TMEM267: variants seen among roughly 807,000 people sequenced by gnomAD.
TMEM267 encodes transmembrane protein 267, also known as transmembrane protein C5orf28.
TMEM267 carries 20 observed loss-of-function variants against 19.3 expected under a neutral mutation model. The ratio of observed to expected loss-of-function variants is 1.04; its 90% confidence interval spans 0.73 to 1.51. The LOEUF (loss-of-function observed/expected upper bound fraction) is 1.51, where lower values mean the gene tolerates loss of function less well. Ranked by LOEUF, TMEM267 falls within the 40% of genes most tolerant of loss-of-function variation. The probability of loss-of-function intolerance (pLI) is 0.00; values close to 1 mark genes in which losing one functional copy is unlikely to be tolerated. For missense variants in TMEM267, 242 were observed against 261.9 expected (o/e 0.92, Z 0.52); for synonymous variants, 88 against 90.3 (o/e 0.97, Z 0.15).
intron 2 of TMEM267, among the ~76,000 whole-genome samples, chr5:43,447,484 G>C (rs1005982201): frequency 1.3e-5 from 2 of 152,078 alleles, no homozygotes; most frequent in African/African-American, 4.8e-5. Flanking sequence ...TTCATGAGTA[G>C]GGTTTTGTTC....
intron 1 of TMEM267, among the ~76,000 whole-genome samples, chr5:43,465,028 A>C (rs1303364140): frequency 3.3e-5 from 5 of 152,222 alleles, no homozygotes; most frequent in South Asian, 2.1e-4. Context: ...CAACCTACAA[A>C]ATGGGAGAAA....
At chr5:43,470,171 C>T (rs776881610) in intron 1 of TMEM267, among the ~76,000 whole-genome samples, 6 of 152,136 alleles carry the variant, frequency 3.9e-5, no homozygotes, top group Admixed American at 2.6e-4. Flanking sequence ...GATGGAGTCT[C>T]GCTCTGCCAC....
chr5:43,456,472 T>A (rs187140674), intron 1 of TMEM267, among the ~76,000 whole-genome samples: 2 of 152,240 alleles, frequency 1.3e-5, no homozygotes, highest in African/African-American at 4.8e-5. Context: ...TGAAAGACAA[T>A]GTTAAGAGAA....
chr5:43,476,827 C>T (rs1044654969), intron 1 of TMEM267, among the ~76,000 whole-genome samples: 1 of 151,058 alleles, frequency 6.6e-6, no homozygotes, highest in African/African-American at 2.4e-5. Context: ...ACCCAGATCT[C>T]GTTATCAGCT....
intron 1 of TMEM267, among the ~76,000 whole-genome samples, chr5:43,455,292 G>A (rs1429718422): frequency 6.6e-6 from 1 of 151,828 alleles, no homozygotes; most frequent in South Asian, 2.1e-4. Flanking sequence ...GCGTGGTGGT[G>A]CATGCCTGTA....
At chr5:43,477,278 G>A (rs1021745688) in intron 1 of TMEM267, among the ~76,000 whole-genome samples, 3 of 151,786 alleles carry the variant, frequency 2.0e-5, no homozygotes, top group Admixed American at 2.0e-4. Flanking sequence ...TATCCCTCAA[G>A]AACTTCAGTT....
At chr5:43,447,877 G>A (rs531656052) in intron 2 of TMEM267, among the ~76,000 whole-genome samples, 2 of 152,264 alleles carry the variant, frequency 1.3e-5, no homozygotes, top group African/African-American at 2.4e-5. Flanking sequence ...AGCACTAACT[G>A]CAGGGAAAGG....
At chr5:43,479,854 G>A (rs1214614033) in intron 1 of TMEM267, 1 of 441,350 alleles carries the variant, frequency 2.3e-6, no homozygotes, top group Middle Eastern at 3.3e-4. Context: ...TCTCAACCAA[G>A]AGATGTGACC....
chr5:43,446,253 G>A lies in TMEM267; in HGVS notation c.617C>T (p.Ser206Phe). The change falls in exon 3 of 3, where the codon TCT (serine) becomes TTT (phenylalanine). Residue 206 changes from serine to phenylalanine, a missense_variant. Transcript: ENST00000397080. ...MYLTGTRQMM[S>F]SKHGVRIDV Reference sequence around the variant, plus strand: ...ATCAATACGAACTCCATGTTTTGAAGACATCATTTGTCTGGTTCCTGTTAA... The same window carrying A: ...ATCAATACGAACTCCATGTTTTGAAAACATCATTTGTCTGGTTCCTGTTAA... 6.2e-7 allele frequency: 1 copy of A among 1,612,934 alleles called. No homozygotes were observed. Among genetic ancestry groups the A allele is most frequent in the African/African-American group, 1.3e-5 (1 of 75,028 alleles).
At chr5:43,476,435 C>G (rs934840173) in intron 1 of TMEM267, among the ~76,000 whole-genome samples, 3 of 148,382 alleles carry the variant, frequency 2.0e-5, no homozygotes, top group Non-Finnish European at 4.5e-5. Context: ...CCACCTCCCA[C>G]AATTCCATAG....
chr5:43,449,326 G>C (rs1742440747), intron 2 of TMEM267, among the ~76,000 whole-genome samples: 1 of 151,584 alleles, frequency 6.6e-6, no homozygotes, highest in African/African-American at 2.4e-5. Context: ...AATGATATGA[G>C]GAAAAAAGTA....
intron 2 of TMEM267, among the ~76,000 whole-genome samples, chr5:43,448,860 A>T (rs929380181): frequency 6.6e-5 from 10 of 152,128 alleles, no homozygotes; most frequent in Middle Eastern, 3.4e-3. Flanking sequence ...AATTTTTTTT[A>T]AACTACATAA....
intron 1 of TMEM267, among the ~76,000 whole-genome samples, chr5:43,458,527 T>G (rs1743081955): frequency 1.3e-5 from 2 of 152,158 alleles, no homozygotes; most frequent in Non-Finnish European, 2.9e-5. Flanking sequence ...GAGGCAGGAA[T>G]GATTAAAAAG....
intron 1 of TMEM267, among the ~76,000 whole-genome samples, chr5:43,464,709 G>A (rs1743523863): frequency 6.6e-6 from 1 of 152,228 alleles, no homozygotes; most frequent in South Asian, 2.1e-4. Context: ...ATGGGGGAAG[G>A]ATTCCCTATT....
chr5:43,449,901 G>A (rs571625976), intron 2 of TMEM267, among the ~76,000 whole-genome samples: 5 of 151,792 alleles, frequency 3.3e-5, no homozygotes, highest in Non-Finnish European at 7.4e-5. Context: ...TCTTATTTGT[G>A]AATTAACATC....
rs544615174 is a variant in TMEM267, at chr5:43,452,471, G to A, written c.312+1187C>T. Among the ~76,000 whole-genome samples, 5 of 151,980 alleles carry A rather than the reference G, an allele frequency of 3.3e-5. No homozygotes were observed. The East Asian group carries it at 9.7e-4, about 29-fold the overall frequency. On this transcript the variant is annotated intron_variant, in intron 2 of 2. Coordinates refer to ENST00000397080, the MANE Select transcript of TMEM267 (RefSeq NM_022483.5). The stretch of plus-strand genomic sequence containing the variant: ...AAGAGGTGGGAGAGTGAGAAGAGGT[G>A]AGAGATAAAATACTATTTGTACAGC...
chr5:43,458,674 T>C (rs1480405596), intron 1 of TMEM267, among the ~76,000 whole-genome samples: 2 of 152,184 alleles, frequency 1.3e-5, no homozygotes, highest in African/African-American at 4.8e-5. Flanking sequence ...TAATTACATG[T>C]CAATTATACT....
chr5:43,481,294 G>A (rs1377948368), intron 1 of TMEM267, among the ~76,000 whole-genome samples: 12 of 151,562 alleles, frequency 7.9e-5, no homozygotes, highest in Admixed American at 7.9e-4. Flanking sequence ...TAGAGATGGG[G>A]TCTCATTGTG....
At chr5:43,453,093 A>G (rs1278303450) in intron 2 of TMEM267, among the ~76,000 whole-genome samples, 1 of 152,228 alleles carries the variant, frequency 6.6e-6, no homozygotes. Flanking sequence ...TTTCTTCACA[A>G]GGGACTGTGT....
Sources: allele counts gnomAD v4.1 joint callset (sites outside exome capture counted in the v4.1 genomes callset), GRCh38; gene constraint gnomAD v4.1.1; transcripts MANE v1.5; gene names NCBI Gene and HGNC (gene_info 2026-07-23, HGNC 2026-07-21).